Variants in CTIF observed in about 807,000 individuals in gnomAD.
CTIF encodes cap binding complex dependent translation initiation factor.
CTIF carries 21 observed loss-of-function variants against 66.0 expected under a neutral mutation model. The ratio of observed to expected loss-of-function variants is 0.32; its 90% CI spans 0.23 to 0.46. CTIF has a LOEUF of 0.46. Among genes scored for constraint, CTIF ranks in the 20% least tolerant of loss-of-function variants. CTIF has a pLI of 1.00. For synonymous variants in CTIF, 345 were observed against 326.4 expected (o/e 1.06, Z -0.62); for missense variants, 739 against 812.7 (o/e 0.91, Z 1.10).
rs373931157 is a variant in CTIF, at chr18:48,553,694, C to T, written c.-29+14382C>T. Among the ~76,000 whole-genome samples, 19 of 151,418 alleles carry T rather than the reference C, an allele frequency of 1.3e-4. No individual in the cohort carries two copies. The South Asian group carries it at 2.7e-3, about 22-fold the overall frequency. ...TTTTTTGAGACAAGTCTCGCTCTGC[C>T]GCCCAGGCTGGAGTGCAGTGGCGTG... On this transcript the variant is annotated intron_variant, in intron 1 of 11. Coordinates refer to ENST00000256413, the MANE Select transcript of CTIF (RefSeq NM_014772.3).
chr18:48,853,587 T>C (rs557990665), intron 10 of CTIF, among the ~76,000 whole-genome samples: 207 of 152,322 alleles, frequency 1.4e-3, no homozygotes, highest in African/African-American at 4.7e-3. Context: ...ATTTCTTTTC[T>C]GTGTATCTGC....
chr18:48,708,977 CGATGATGAT>C (rs113622427), intron 6 of CTIF, among the ~76,000 whole-genome samples: 1 of 152,052 alleles, frequency 6.6e-6, no homozygotes, highest in Non-Finnish European at 1.5e-5. Flanking sequence ...GGAAAGATAA[CGATGATGAT>C]GATGATGATG....
intron 1 of CTIF, among the ~76,000 whole-genome samples, chr18:48,563,068 A>G (rs1477475867): frequency 6.6e-6 from 1 of 152,240 alleles, no homozygotes; most frequent in Non-Finnish European, 1.5e-5. Context: ...GAGCTTTAGC[A>G]TAGCACCCGC....
At chr18:48,607,933 C>T (rs1373612891) in intron 1 of CTIF, among the ~76,000 whole-genome samples, 1 of 152,092 alleles carries the variant, frequency 6.6e-6, no homozygotes, top group African/African-American at 2.4e-5. Context: ...CTGTTTTGGA[C>T]CTGGACTATC....
At chr18:48,799,261 A>G (rs2067998786) in intron 9 of CTIF, among the ~76,000 whole-genome samples, 2 of 152,212 alleles carry the variant, frequency 1.3e-5, no homozygotes, top group Admixed American at 6.5e-5. Flanking sequence ...GCCTCATTCA[A>G]TCTTCACAAC....
intron 3 of CTIF, among the ~76,000 whole-genome samples, chr18:48,662,792 G>C (rs1265838727): frequency 6.6e-6 from 1 of 151,976 alleles, no homozygotes; most frequent in African/African-American, 2.4e-5. Flanking sequence ...TTTGTTCCCT[G>C]TATGCTTGTG....
intron 3 of CTIF, among the ~76,000 whole-genome samples, 170 bp downstream of exon 3, chr18:48,636,855 A>ATCTGTTCC (rs2090832662): frequency 1.3e-5 from 2 of 152,168 alleles, no homozygotes; most frequent in Admixed American, 6.5e-5. Flanking sequence ...CTCCCTGCCC[A>ATCTGTTCC]CAGGGAAGCT....
intron 1 of CTIF, among the ~76,000 whole-genome samples, chr18:48,561,635 A>G (rs529612436): frequency 1.3e-5 from 2 of 152,326 alleles, no homozygotes; most frequent in African/African-American, 4.8e-5. Flanking sequence ...ATGGAAAGCA[A>G]TGGCCTCAGT....
At chr18:48,799,435 T>C (rs2068002258) in intron 9 of CTIF, among the ~76,000 whole-genome samples, 1 of 152,158 alleles carries the variant, frequency 6.6e-6, no homozygotes, top group African/African-American at 2.4e-5. Context: ...CTCTTCCCTC[T>C]TGGGTCCTAC....
intron 6 of CTIF, among the ~76,000 whole-genome samples, chr18:48,710,100 T>G (rs2092207249): frequency 6.6e-6 from 1 of 152,230 alleles, no homozygotes; most frequent in African/African-American, 2.4e-5. Flanking sequence ...CCCATGAGCT[T>G]GGGGGCTGAG....
At chr18:48,581,406 T>C (rs945739205) in intron 1 of CTIF, among the ~76,000 whole-genome samples, 6 of 152,152 alleles carry the variant, frequency 3.9e-5, no homozygotes, top group Non-Finnish European at 8.8e-5. Context: ...TATCTCTGGG[T>C]TCCAAGAGCT....
rs61360241 is a variant in CTIF at position 48,707,550 on chromosome 18, C to CTCTTCT, written c.508-4057_508-4052dup. 1.6e-4 allele frequency among the ~76,000 whole-genome samples: 24 copies of CTCTTCT among 151,648 alleles called. No individual in the cohort carries two copies. In the South Asian group the frequency reaches 5.0e-3, roughly 32 times the overall value. On this transcript the variant is annotated intron_variant, in intron 6 of 11. Transcript: ENST00000256413. ...CCTCCTCCTTCTTTTCCTTGTCCTC[C>CTCTTCT]TCTTCTTCTTCTTCTTCCTCTTTCC...
intron 1 of CTIF, among the ~76,000 whole-genome samples, chr18:48,592,226 G>A (rs984007187): frequency 8.0e-6 from 1 of 125,632 alleles, no homozygotes; most frequent in Non-Finnish European, 1.6e-5. Flanking sequence ...CTGGCTGGGT[G>A]CAGTGGCTCA....
At chr18:48,574,049 T>A (rs1229150187) in intron 1 of CTIF, among the ~76,000 whole-genome samples, 1 of 152,170 alleles carries the variant, frequency 6.6e-6, no homozygotes, top group African/African-American at 2.4e-5. Flanking sequence ...TTTGCAGTCA[T>A]CTCACCAGGT....
rs558169666 is a variant in CTIF, at chr18:48,782,127, AGCCAAGTGAGCCCT to A, written c.1371+20443_1371+20456del. 2.5e-3 allele frequency among the ~76,000 whole-genome samples: 385 copies of A among 151,928 alleles called. 3 individuals carry two copies. Among genetic ancestry groups the A allele is most frequent in the African/African-American group, 8.9e-3 (369 of 41,434 alleles). ...GGAGGCAGGGGTGGGTCACGGGCCC[AGCCAAGTGAGCCCT>A]GCCAGAACCAGGACCCAGGGCAGGC... On this transcript the variant is annotated intron_variant, in intron 9 of 11. Transcript: ENST00000256413.
chr18:48,849,567 G>T (rs956460695), intron 10 of CTIF, among the ~76,000 whole-genome samples: 1 of 147,318 alleles, frequency 6.8e-6, no homozygotes. Flanking sequence ...ATTATGTAAA[G>T]CTTACCATTT....
intron 10 of CTIF, among the ~76,000 whole-genome samples, chr18:48,820,268 C>T (rs75585812): frequency 1.6e-4 from 25 of 152,302 alleles, no homozygotes; most frequent in Middle Eastern, 3.4e-3. Context: ...TGTTGCCTTT[C>T]GCAGCTCCGT....
At position 48,625,838 on chromosome 18, in the gene CTIF, T is replaced by C. The variant is rs73956983; in HGVS notation, c.180+6093T>C. 8.8e-3 allele frequency among the ~76,000 whole-genome samples: 1,341 copies of C among 152,326 alleles called. 8 individuals are homozygous for C. Among genetic ancestry groups the C allele is most frequent in the Middle Eastern group, 0.031 (9 of 294 alleles). On this transcript the variant is annotated intron_variant, in intron 2 of 11. Transcript: ENST00000256413. The stretch of plus-strand genomic sequence containing the variant: ...ACATACTGTTGAACATGCCTCCTTC[T>C]GCACAAATAATGGAGTTTCTTTAGT...
In CTIF at chr18:48,569,009, ATGGTCACCTTCTTGC is replaced by A. The variant is rs1337801512; in HGVS notation, c.-29+29698_-29+29712del. On this transcript the variant is annotated intron_variant, in intron 1 of 11. Coordinates refer to ENST00000256413, the MANE Select transcript of CTIF (RefSeq NM_014772.3). ...TGAGGCCTCTCTCCTTGGCCTGCTG[ATGGTCACCTTCTTGC>A]AGTGCCCTCATGTGATTTTTCCTCT... Among the ~76,000 whole-genome samples, 6 of 152,292 alleles carry A rather than the reference ATGGTCACCTTCTTGC, an allele frequency of 3.9e-5. No homozygotes were observed. The East Asian group carries it at 1.2e-3, about 29-fold the overall frequency.
Sources: allele counts gnomAD v4.1 joint callset (sites outside exome capture counted in the v4.1 genomes callset), GRCh38; gene constraint gnomAD v4.1.1; transcripts MANE v1.5; gene names NCBI Gene and HGNC (gene_info 2026-07-23, HGNC 2026-07-21).